The following TRPV5 variants were observed in gnomAD, a reference collection of about 807,000 sequenced individuals.
The protein encoded by TRPV5 is calcium transport protein 2.
TRPV5 carries 66 observed loss-of-function variants against 74.1 expected under a neutral mutation model. That is an observed-to-expected ratio of 0.89 (90% CI 0.73 to 1.09). The LOEUF is 1.09. Ranked by LOEUF, TRPV5 falls within the 50% of genes least tolerant of loss-of-function variation. The probability of loss-of-function intolerance (pLI) is 0.00; values close to 1 mark genes in which losing one functional copy is unlikely to be tolerated. For missense variants in TRPV5, 936 were observed against 930.4 expected, an observed-to-expected ratio of 1.01 and a Z score of -0.08; for synonymous variants, 399 against 360.7, an observed-to-expected ratio of 1.11 and a Z score of -1.20.
chr7:142,933,678 G>T lies in TRPV5; in HGVS notation c.-219C>A. On this transcript the variant is annotated 5_prime_UTR_variant, in exon 1 of 15. Transcript: ENST00000265310. ...CGTGTATGCACAGTGTGTGGCTGTG[G>T]TGTATGTGTGTGCATGCAGTGTGTG... is the stretch of plus-strand genomic sequence containing the variant. 1.7e-6 allele frequency: 1 copy of T among 595,452 alleles called. No individual in the cohort carries two copies. Among genetic ancestry groups the T allele is most frequent in the Non-Finnish European group, 2.9e-6 (1 of 343,142 alleles). The allele number at this position is 595,452 out of a possible 1,614,324, so 36.9% of individuals were successfully genotyped here.
At chr7:142,911,320 A>G (rs931130711) in intron 13 of TRPV5, among the ~76,000 whole-genome samples, 3 of 152,218 alleles carry the variant, frequency 2.0e-5, no homozygotes, top group Non-Finnish European at 2.9e-5. Flanking sequence ...CTTCCCATTT[A>G]TGAGGACTAA....
Position 142,915,364 on chromosome 7 carries a change from AC to A in TRPV5, c.1228del (p.Val410LeufsTer29). On this transcript the variant is annotated frameshift_variant, in exon 10 of 15. Transcript: ENST00000265310. LOFTEE classifies it high-confidence loss of function. The part of the protein sequence containing the change: ...LLLEIPDIFR[V>X]GASRYFGKTI... ...CTTTCCAAAATAGCGAGAGGCACCA[AC>A]CCTGAAGATGTCTGGAATCTGGGGA... 6.2e-7 allele frequency: 1 copy of A among 1,608,394 alleles called. No homozygotes were observed. Among genetic ancestry groups the A allele is most frequent in the Non-Finnish European group, 8.5e-7 (1 of 1,178,644 alleles).
intron 8 of TRPV5, among the ~76,000 whole-genome samples, chr7:142,921,005 C>T (rs1039242669): frequency 2.0e-5 from 3 of 152,194 alleles, no homozygotes; most frequent in African/African-American, 7.2e-5. Context: ...CTATAATGTG[C>T]TGTGCTTGTT....
intron 7 of TRPV5, among the ~76,000 whole-genome samples, chr7:142,926,848 A>T (rs1795996897): frequency 6.6e-6 from 1 of 152,218 alleles, no homozygotes; most frequent in Non-Finnish European, 1.5e-5. Context: ...TCTGAGGAAG[A>T]TCTCACAAAC....
chr7:142,931,017 A>ATTTT (rs35738386), intron 1 of TRPV5, among the ~76,000 whole-genome samples: 1,006 of 100,170 alleles, frequency 0.01, 16 homozygotes, highest in Middle Eastern at 0.016. Flanking sequence ...CCCTCAGGCT[A>ATTTT]TTTTTTTTTT....
chr7:142,912,425 C>T (rs2116575383), intron 13 of TRPV5, 57 bp downstream of exon 13: 2 of 1,566,886 alleles, frequency 1.3e-6, no homozygotes, highest in Non-Finnish European at 1.7e-6. Context: ...ACATTTTCCA[C>T]TTTGATTTTT....
chr7:142,912,761 C>T lies in TRPV5; in HGVS notation c.1520-11G>A. 2 of 1,610,484 alleles carry T rather than the reference C, an allele frequency of 1.2e-6. No individual in the cohort carries two copies. The highest frequency in any genetic ancestry group is 2.2e-5 in the South Asian group (2 of 90,946). The stretch of plus-strand genomic sequence containing the variant: ...AAATGATATAGAACGCTGCTCCGCC[C>T]AGGAAGAGGACATGGAGATGGGATA... On this transcript the variant is annotated splice_polypyrimidine_tract_variant and intron_variant, in intron 12 of 14. Transcript: ENST00000265310.
At position 142,930,105 on chromosome 7, in the gene TRPV5, G is replaced by A. The variant is rs768247557; in HGVS notation, c.302C>T (p.Ala101Val). 1.9e-6 allele frequency: 3 copies of A among 1,614,094 alleles called. No individual in the cohort carries two copies. The African/African-American group carries it at 4.0e-5, about 22-fold the overall frequency. ...NLEAALVLME[A>V]APELVFEPTT... is the part of the protein sequence containing the mutation. ...GGGCTCAAAGACCAGCTCTGGGGCA[G>A]CCTCCATCAGCACCAAGGCCGCCTC... The change falls in exon 3 of 15, where the codon GCT becomes GTT. Residue 101 changes from alanine to valine, a missense_variant. Coordinates refer to ENST00000265310, the MANE Select transcript of TRPV5 (RefSeq NM_019841.7).
chr7:142,931,304 C>T (rs962886912), intron 1 of TRPV5, among the ~76,000 whole-genome samples: 1 of 152,034 alleles, frequency 6.6e-6, no homozygotes, highest in Non-Finnish European at 1.5e-5. Flanking sequence ...GATTACATTG[C>T]GCCCAGCATC....
chr7:142,918,291 G>C (rs939670464), intron 8 of TRPV5, among the ~76,000 whole-genome samples: 70 of 151,978 alleles, frequency 4.6e-4, no homozygotes, highest in African/African-American at 1.7e-3. Context: ...AAATATTGTT[G>C]CCTGGTTATG....
chr7:142,933,311 G>C, intron 1 of TRPV5, 21 bp downstream of exon 1: 1 of 1,611,624 alleles, frequency 6.2e-7, no homozygotes, highest in Non-Finnish European at 8.5e-7. Context: ...GTAGGGCCAC[G>C]GATCGTTCTA....
chr7:142,930,135 T>A lies in TRPV5; in HGVS notation c.272A>T (p.Asn91Ile), dbSNP rs1475308146. Residue 91 changes from asparagine (N) to isoleucine (I), a missense_variant, in exon 3 of 15, where the codon AAC (asparagine) becomes ATC (isoleucine). Asn to Ile is a moderately radical substitution (Grantham distance 149). Coordinates refer to ENST00000265310, the MANE Select transcript of TRPV5 (RefSeq NM_019841.7). Reference protein sequence around the residue: ...TALHIAALYDNLEAALVLMEA... With the variant: ...TALHIAALYDILEAALVLMEA... The stretch of plus-strand genomic sequence containing the variant: ...CATCAGCACCAAGGCCGCCTCCAAG[T>A]TGTCATAGAGGGCTGCTATGTGCAG... The A allele has an allele frequency of 1.2e-6, 2 of 1,614,096 alleles. No individual in the cohort carries two copies. Among genetic ancestry groups the A allele is most frequent in the African/African-American group, 2.7e-5 (2 of 74,946 alleles).
Position 142,933,260 on chromosome 7 carries a change from A to T in TRPV5, c.128+72T>A, listed in dbSNP as rs4252375. 4,937 of 1,577,238 alleles carry T rather than the reference A, an allele frequency of 3.1e-3. 148 individuals carry two copies. The African/African-American group carries it at 0.058, about 19-fold the overall frequency. ...ACACTTCTAGGGTGCTGTATTCGGA[A>T]AGCAGGCCCAGGTGGGTCAGAGGGT... On this transcript the variant is annotated intron_variant, in intron 1 of 14. Transcript: ENST00000265310.
intron 8 of TRPV5, 82 bp downstream of exon 8, chr7:142,925,447 C>A: frequency 6.8e-7 from 1 of 1,462,262 alleles, no homozygotes; most frequent in South Asian, 1.2e-5. Context: ...AGCGTGGCAT[C>A]GTCCCTGAGT....
rs1796038695 is a variant in TRPV5, at chr7:142,928,988, GCATCCCAGCTCCCCTCCC to G, written c.586+16_586+33del. 1 of 1,613,232 alleles carries G rather than the reference GCATCCCAGCTCCCCTCCC, an allele frequency of 6.2e-7. No individual in the cohort carries two copies. Among genetic ancestry groups the G allele is most frequent in the Non-Finnish European group, 8.5e-7 (1 of 1,179,872 alleles). ...CTTACCCTGTCCCTCGCTCCCCACA[GCATCCCAGCTCCCCTCCC>G]CATCCCAGCTCTTACCCAGGGAGTC... On this transcript the variant is annotated intron_variant, in intron 5 of 14. Coordinates refer to ENST00000265310, the MANE Select transcript of TRPV5 (RefSeq NM_019841.7).
chr7:142,914,736 G>T (rs1795762607), intron 11 of TRPV5, 30 bp from the exon 12 acceptor site: 2 of 1,611,136 alleles, frequency 1.2e-6, no homozygotes, highest in South Asian at 2.2e-5. Context: ...GAAAGGGTGG[G>T]ATGATTCCTT....
intron 6 of TRPV5, 24 bp from the exon 7 acceptor site, chr7:142,928,258 AG>A: frequency 6.2e-7 from 1 of 1,614,044 alleles, no homozygotes; most frequent in Non-Finnish European, 8.5e-7. Flanking sequence ...AGGATGAGTC[AG>A]GGGGCCAACG....
intron 5 of TRPV5, 49 bp downstream of exon 5, chr7:142,928,973 C>G: frequency 6.2e-7 from 1 of 1,613,002 alleles, no homozygotes; most frequent in Non-Finnish European, 8.5e-7. Context: ...CTTACCCTGT[C>G]CCTCGCTCCC....
intron 8 of TRPV5, among the ~76,000 whole-genome samples, chr7:142,922,117 T>A (rs1322109888): frequency 2.0e-5 from 3 of 152,230 alleles, no homozygotes; most frequent in Non-Finnish European, 2.9e-5. Context: ...TCTATTTGTA[T>A]GATCGTTTGA....
Sources: allele counts gnomAD v4.1 joint callset (sites outside exome capture counted in the v4.1 genomes callset), GRCh38; gene constraint gnomAD v4.1.1; transcripts MANE v1.5; gene names NCBI Gene and HGNC (gene_info 2026-07-23, HGNC 2026-07-21).